The following DTL variants were observed in gnomAD, a reference collection of about 807,000 sequenced individuals.
DTL encodes denticleless protein homolog.
A neutral mutation model predicts 87.0 loss-of-function variants in DTL; 46 were observed. The observed-to-expected ratio is 0.53, with a 90% CI of 0.42 to 0.68. The LOEUF (loss-of-function observed/expected upper bound fraction) is 0.68. Ranked by LOEUF, DTL falls within the 30% of genes least tolerant of loss-of-function variation. The pLI, the probability that DTL is intolerant of heterozygous loss-of-function variation, is 0.00. For synonymous variants in DTL, 308 were observed against 311.2 expected (o/e 0.99, Z 0.11); for missense variants, 737 against 869.4 (o/e 0.85, Z 1.91).
chr1:212,058,568 A>G (rs760807601), intron 5 of DTL, among the ~76,000 whole-genome samples: 3 of 152,152 alleles, frequency 2.0e-5, no homozygotes, highest in Non-Finnish European at 4.4e-5. Context: ...AGGAAAGTTT[A>G]TAGCAATACA....
chr1:212,047,044 T>A, intron 3 of DTL, 107 bp from the exon 4 acceptor site: 1 of 938,860 alleles, frequency 1.1e-6, no homozygotes, highest in Non-Finnish European at 1.7e-6. Flanking sequence ...AATGATCAAC[T>A]ACTGATCTTT....
At chr1:212,086,364 G>C (rs1239029622) in intron 13 of DTL, among the ~76,000 whole-genome samples, 2 of 152,044 alleles carry the variant, frequency 1.3e-5, no homozygotes, top group African/African-American at 4.8e-5. Context: ...AAAGTCATCA[G>C]TATTCCCTCC....
At chr1:212,096,472 A>G (rs879336541) in intron 13 of DTL, among the ~76,000 whole-genome samples, 1 of 151,944 alleles carries the variant, frequency 6.6e-6, no homozygotes, top group Admixed American at 6.6e-5. Flanking sequence ...TAGATTGTCA[A>G]TTTGTGCTCT....
At chr1:212,070,568 GCCACT>G (rs1303611643) in intron 10 of DTL, among the ~76,000 whole-genome samples, 69 of 150,072 alleles carry the variant, frequency 4.6e-4, no homozygotes, top group African/African-American at 1.3e-3. Flanking sequence ...CCATGATCTT[GCCACT>G]GCACTCCAGC....
At chr1:212,059,499 C>T (rs1668275254) in intron 5 of DTL, among the ~76,000 whole-genome samples, 1 of 152,008 alleles carries the variant, frequency 6.6e-6, no homozygotes, top group African/African-American at 2.4e-5. Context: ...ACTCAACCAA[C>T]TAGGCATGGA....
chr1:212,062,011 C>T (rs1254562237), intron 5 of DTL, among the ~76,000 whole-genome samples: 1 of 152,104 alleles, frequency 6.6e-6, no homozygotes, highest in African/African-American at 2.4e-5. Flanking sequence ...AAAATGTTCC[C>T]AGCACATAGA....
chr1:212,038,748 C>G (rs921812089), intron 1 of DTL, among the ~76,000 whole-genome samples: 1 of 152,186 alleles, frequency 6.6e-6, no homozygotes, highest in African/African-American at 2.4e-5. Context: ...AAATGGAAAT[C>G]TGATTACTCT....
At chr1:212,040,247 C>T (rs566642157) in intron 1 of DTL, among the ~76,000 whole-genome samples, 3 of 152,208 alleles carry the variant, frequency 2.0e-5, no homozygotes, top group East Asian at 3.9e-4. Flanking sequence ...AATTTTTAAG[C>T]TCCATTATAA....
intron 10 of DTL, among the ~76,000 whole-genome samples, chr1:212,070,385 G>A (rs1654635230): frequency 6.6e-6 from 1 of 152,114 alleles, no homozygotes; most frequent in Non-Finnish European, 1.5e-5. Context: ...GAGGCTGGCA[G>A]ATCACTTGAG....
At chr1:212,098,831 C>G (rs932998478) in intron 13 of DTL, among the ~76,000 whole-genome samples, 3 of 152,092 alleles carry the variant, frequency 2.0e-5, no homozygotes, top group Admixed American at 6.5e-5. Context: ...AACTCCCCGC[C>G]GAGAAAGCAA....
intron 5 of DTL, among the ~76,000 whole-genome samples, chr1:212,056,535 A>G (rs555841572): frequency 1.3e-5 from 2 of 152,210 alleles, no homozygotes; most frequent in Non-Finnish European, 2.9e-5. Flanking sequence ...GGAAAAAGCA[A>G]CTGTTACACC....
Position 212,078,209 on chromosome 1 carries a change from G to A in DTL, c.1072G>A (p.Gly358Ser). Reference sequence around the variant, plus strand: ...CTGGCAACCTCCTACTGTGCTCCTGGGTCATTCTCAAGAGGTCACGTCTGT... The same window carrying A: ...CTGGCAACCTCCTACTGTGCTCCTGAGTCATTCTCAAGAGGTCACGTCTGT... ...TPWQPPTVLLGHSQEVTSVCW... is the reference protein window; with the variant it reads ...TPWQPPTVLLSHSQEVTSVCW... The change falls in exon 12 of 15, where the codon GGT (glycine) becomes AGT (serine). Residue 358 changes from glycine to serine, a missense_variant. Gly to Ser is a moderately conservative substitution (Grantham distance 56). Transcript: ENST00000366991. The A allele has an allele frequency of 6.2e-7, 1 of 1,612,822 alleles. No individual in the cohort carries two copies. Among genetic ancestry groups the A allele is most frequent in the South Asian group, 1.1e-5 (1 of 91,032 alleles).
chr1:212,085,707 CTA>C (rs1655113138), intron 13 of DTL, among the ~76,000 whole-genome samples: 1 of 152,170 alleles, frequency 6.6e-6, no homozygotes, highest in East Asian at 1.9e-4. Context: ...ATCAAAGAAA[CTA>C]TTGCCTCTTC....
At chr1:212,062,009 C>G (rs1049911186) in intron 5 of DTL, among the ~76,000 whole-genome samples, 2 of 152,152 alleles carry the variant, frequency 1.3e-5, no homozygotes, top group African/African-American at 4.8e-5. Flanking sequence ...TTAAAATGTT[C>G]CCAGCACATA....
intron 13 of DTL, 64 bp from the exon 14 acceptor site, chr1:212,100,188 T>G: frequency 3.1e-6 from 4 of 1,303,986 alleles, no homozygotes; most frequent in Non-Finnish European, 2.1e-6. Context: ...TTTTTCTTGA[T>G]GAGAATTTAG....
intron 13 of DTL, among the ~76,000 whole-genome samples, chr1:212,095,774 G>T (rs74751514): frequency 6.6e-6 from 1 of 152,186 alleles, no homozygotes; most frequent in Admixed American, 6.5e-5. Context: ...GATTTGGTTA[G>T]CTAGTATTTT....
At chr1:212,060,544 TG>T (rs1654238541) in intron 5 of DTL, among the ~76,000 whole-genome samples, 2 of 152,068 alleles carry the variant, frequency 1.3e-5, no homozygotes, top group Admixed American at 1.3e-4. Flanking sequence ...AAGACCAGCC[TG>T]GGCAACATGG....
intron 10 of DTL, among the ~76,000 whole-genome samples, chr1:212,071,378 C>T (rs1200293132): frequency 6.6e-6 from 1 of 152,150 alleles, no homozygotes; most frequent in Non-Finnish European, 1.5e-5. Flanking sequence ...GATAGAAGAA[C>T]CTGTTAAGAA....
At chr1:212,044,307 G>A (rs929827820) in intron 2 of DTL, among the ~76,000 whole-genome samples, 12 of 152,204 alleles carry the variant, frequency 7.9e-5, no homozygotes, top group African/African-American at 2.4e-4. Flanking sequence ...TTTTGAGTAA[G>A]CTTAAAAATT....
Sources: gnomAD v4.1 joint callset for allele counts (sites outside exome capture counted in the v4.1 genomes callset) on GRCh38, gnomAD v4.1.1 for gene constraint, MANE v1.5 for transcripts, NCBI Gene and HGNC (gene_info 2026-07-23, HGNC 2026-07-21) for gene names.